The following C11orf65 variants were observed in gnomAD, a reference collection of about 807,000 sequenced individuals.
C11orf65 encodes protein MFI.
A neutral mutation model predicts 35.3 loss-of-function variants in C11orf65; 38 were observed. That is an observed-to-expected ratio of 1.08 (90% CI 0.83 to 1.41). C11orf65 has a LOEUF of 1.41. Ranked by LOEUF, C11orf65 falls within the 40% of genes most tolerant of loss-of-function variation. The pLI, the probability that C11orf65 is intolerant of heterozygous loss-of-function variation, is 0.00. For missense variants in C11orf65, 370 were observed against 367.1 expected, an observed-to-expected ratio of 1.01 and a Z score of -0.06; for synonymous variants, 105 against 114.4, an observed-to-expected ratio of 0.92 and a Z score of 0.53.
intron 7 of C11orf65, among the ~76,000 whole-genome samples, chr11:108,386,921 A>T (rs1279742601): frequency 1.3e-5 from 2 of 151,868 alleles, no homozygotes; most frequent in African/African-American, 4.8e-5. Flanking sequence ...CTCTACTAAA[A>T]ATACAAAAAA....
chr11:108,448,058 C>G (rs1018483674), intron 2 of C11orf65, among the ~76,000 whole-genome samples: 3 of 152,180 alleles, frequency 2.0e-5, no homozygotes, highest in African/African-American at 7.2e-5. Context: ...TTCCTTGACA[C>G]ATACACCCTC....
intron 2 of C11orf65, among the ~76,000 whole-genome samples, chr11:108,371,908 T>C (rs1353089339): frequency 1.3e-5 from 2 of 152,192 alleles, no homozygotes; most frequent in African/African-American, 4.8e-5. Context: ...TCTGTTTTTA[T>C]GTTTTGAGTA....
At chr11:108,398,220 A>T (rs1182875671) in intron 6 of C11orf65, among the ~76,000 whole-genome samples, 1 of 152,252 alleles carries the variant, frequency 6.6e-6, no homozygotes, top group Non-Finnish European at 1.5e-5. Flanking sequence ...GAAACTAATT[A>T]GAAGGTAGAT....
At chr11:108,442,991 G>C (rs578103723) in intron 2 of C11orf65, among the ~76,000 whole-genome samples, 58 of 152,120 alleles carry the variant, frequency 3.8e-4, no homozygotes, top group Non-Finnish European at 7.2e-4. Flanking sequence ...ATGTAAATGG[G>C]CTAAATGCTC....
chr11:108,407,725 A>C (rs2092568617), intron 3 of C11orf65, among the ~76,000 whole-genome samples: 1 of 151,284 alleles, frequency 6.6e-6, no homozygotes, highest in African/African-American at 2.4e-5. Flanking sequence ...TGGGTGGATA[A>C]TGAGGTCAGG....
intron 6 of C11orf65, chr11:108,310,050 T>G: frequency 8.5e-7 from 1 of 1,183,092 alleles, no homozygotes; most frequent in East Asian, 2.5e-5. Context: ...TTTTGGGAAT[T>G]TGTAATTTTC....
In C11orf65 at chr11:108,407,159, AATATATTATTCTT is replaced by A. The variant is rs1305303553; in HGVS notation, c.175-23_175-11del. 11 of 1,570,538 alleles carry A rather than the reference AATATATTATTCTT, an allele frequency of 7.0e-6. No homozygotes were observed. Among genetic ancestry groups the A allele is most frequent in the Admixed American group, 5.1e-5 (3 of 58,526 alleles). ...CATCTAGAAGCTCTGCCTATAAGAA[AATATATTATTCTT>A]ATATATTATTCTTCAGGATTCTGTA... On this transcript the variant is annotated splice_polypyrimidine_tract_variant and intron_variant, in intron 3 of 8. Transcript: ENST00000393084.
intron 3 of C11orf65, among the ~76,000 whole-genome samples, chr11:108,429,797 T>C (rs974791478): frequency 6.6e-6 from 1 of 152,212 alleles, no homozygotes; most frequent in African/African-American, 2.4e-5. Flanking sequence ...CACAATGGAA[T>C]ATTATTCAGC....
chr11:108,353,119 G>A (rs1218606898), intron 2 of C11orf65, among the ~76,000 whole-genome samples: 1 of 152,074 alleles, frequency 6.6e-6, no homozygotes, highest in Non-Finnish European at 1.5e-5. Context: ...CTTACAACTC[G>A]AAGTGAACAT....
chr11:108,449,465 C>A (rs1290651905), intron 2 of C11orf65, among the ~76,000 whole-genome samples: 1 of 151,926 alleles, frequency 6.6e-6, no homozygotes, highest in African/African-American at 2.4e-5. Context: ...AGAACAGAGT[C>A]CTCAGAAATA....
chr11:108,330,913 A>G (rs1039947870), downstream of C11orf65, among the ~76,000 whole-genome samples: 1 of 152,212 alleles, frequency 6.6e-6, no homozygotes, highest in Non-Finnish European at 1.5e-5. Flanking sequence ...TGAAAACCTT[A>G]GATTATAGTG....
chr11:108,451,912 T>C (rs2093352854), intron 2 of C11orf65, among the ~76,000 whole-genome samples: 1 of 152,190 alleles, frequency 6.6e-6, no homozygotes, highest in Non-Finnish European at 1.5e-5. Context: ...GGGAAAGGAT[T>C]CCCTATTTAA....
intron 2 of C11orf65, among the ~76,000 whole-genome samples, chr11:108,451,142 T>C (rs985412283): frequency 2.0e-5 from 3 of 151,998 alleles, no homozygotes; most frequent in African/African-American, 7.3e-5. Context: ...AACATAGTGT[T>C]GGAAGTTCGG....
At position 108,338,545 on chromosome 11, in the gene C11orf65, C is replaced by T. The variant is rs146706126; in HGVS notation, c.227-3253G>A. Among the ~76,000 whole-genome samples the T allele has an allele frequency of 1.3e-3, 194 of 152,140 alleles. 1 individual carries two copies. Among genetic ancestry groups the T allele is most frequent in the African/African-American group, 4.4e-3 (181 of 41,490 alleles). The stretch of plus-strand genomic sequence containing the variant: ...TGGCATGCACCTATAGTCCCAGCTA[C>T]TCAAGAAGCTAAAGCGTGAGGATTG... On this transcript the variant is annotated intron_variant, in intron 2 of 3. Coordinates refer to the C11orf65 transcript ENST00000524755.
At chr11:108,383,246 T>C in intron 8 of C11orf65, 71 bp from the exon 9 acceptor site, 1 of 1,268,958 alleles carries the variant, frequency 7.9e-7, no homozygotes, top group Non-Finnish European at 1.1e-6. Flanking sequence ...TGCTACTGTG[T>C]TGTGGTCTGT....
chr11:108,398,046 T>C (rs1280051621), intron 6 of C11orf65, among the ~76,000 whole-genome samples: 3 of 152,164 alleles, frequency 2.0e-5, no homozygotes, highest in South Asian at 2.1e-4. Context: ...TATCAAAAGA[T>C]GAAGATGTTG....
At chr11:108,453,828 C>A (rs1203699658) in intron 2 of C11orf65, among the ~76,000 whole-genome samples, 2 of 152,200 alleles carry the variant, frequency 1.3e-5, no homozygotes, top group Non-Finnish European at 2.9e-5. Flanking sequence ...AGATCCTATT[C>A]ATCTATGTTC....
At chr11:108,321,745 G>T (rs553547447) in intron 6 of C11orf65, among the ~76,000 whole-genome samples, 1 of 151,186 alleles carries the variant, frequency 6.6e-6, no homozygotes, top group Non-Finnish European at 1.5e-5. Context: ...CCGAGATTGC[G>T]CCATGGATTC....
rs562668966 is a variant in C11orf65, at chr11:108,445,207, G to A, written c.82-13369C>T. Among the ~76,000 whole-genome samples the A allele has an allele frequency of 1.4e-4, 21 of 152,328 alleles. No homozygotes were observed. In the South Asian group the frequency reaches 4.3e-3, roughly 32 times the overall value. On this transcript the variant is annotated intron_variant, in intron 2 of 8. Coordinates refer to ENST00000393084, the MANE Select transcript of C11orf65 (RefSeq NM_152587.5). ...GGCACAGACAAACAAAAAGACAGCA[G>A]TAACCTCTGCAGACTTACATGTCCC... is the stretch of plus-strand genomic sequence containing the variant.
Sources: allele counts gnomAD v4.1 joint callset (sites outside exome capture counted in the v4.1 genomes callset), GRCh38; gene constraint gnomAD v4.1.1; transcripts MANE v1.5; gene names NCBI Gene and HGNC (gene_info 2026-07-23, HGNC 2026-07-21).